RPS6KA1: variants seen among roughly 807,000 people sequenced by gnomAD.
RPS6KA1 encodes ribosomal protein S6 kinase A1.
In RPS6KA1, 48 loss-of-function variants were observed where a neutral mutation model predicts 91.3. That is an observed-to-expected ratio of 0.53 (90% CI 0.42 to 0.67). The LOEUF is 0.67. Ranked by LOEUF, RPS6KA1 falls within the 30% of genes least tolerant of loss-of-function variation. The pLI is 0.00. For synonymous variants in RPS6KA1, 359 were observed against 384.7 expected, an observed-to-expected ratio of 0.93 and a Z score of 0.78; for missense variants, 719 against 960.5, an observed-to-expected ratio of 0.75 and a Z score of 3.32.
Position 26,555,124 on chromosome 1 carries a change from G to A in RPS6KA1, c.757-27G>A. On this transcript the variant is annotated intron_variant, in intron 9 of 21. Transcript: ENST00000374168. This position sits in a 1 kb window ranked among gnomAD's most constrained non-coding sequence, Gnocchi z 4.3. Reference sequence around the variant, plus strand: ...AGGTGTGTCGGAGACAGGGATCAGAGCCTGAATAGATCCTTGTCCTCTGCA... The same window carrying A: ...AGGTGTGTCGGAGACAGGGATCAGAACCTGAATAGATCCTTGTCCTCTGCA... 6.2e-7 allele frequency: 1 copy of A among 1,610,112 alleles called. No homozygotes were observed. The highest frequency in any genetic ancestry group is 8.5e-7 in the Non-Finnish European group (1 of 1,176,418).
chr1:26,555,536 G>C lies in RPS6KA1; in HGVS notation c.828-1G>C. 6.3e-7 allele frequency: 1 copy of C among 1,585,984 alleles called. No individual in the cohort carries two copies. The highest frequency in any genetic ancestry group is 1.1e-5 in the South Asian group (1 of 87,374). On this transcript the variant is annotated splice_acceptor_variant, in intron 10 of 21. Coordinates refer to ENST00000374168, the MANE Select transcript of RPS6KA1 (RefSeq NM_002953.4). LOFTEE classifies it high-confidence loss of function. The surrounding 1 kb of genome is among the most constrained non-coding windows in gnomAD (Gnocchi z 4.3). ...TTGATGAGTCCCGGGGGCTGTTTCA[G>C]GGCGAAGCTAGGCATGCCCCAGTTT...
At chr1:26,536,384 G>GCTT (rs1477206276) in intron 1 of RPS6KA1, among the ~76,000 whole-genome samples, 2 of 152,160 alleles carry the variant, frequency 1.3e-5, no homozygotes, top group Non-Finnish European at 2.9e-5. Flanking sequence ...ATTCTGCCTG[G>GCTT]CAAGGTCAGG....
At chr1:26,545,995 T>G (rs1469785989) in intron 2 of RPS6KA1, 1 of 1,611,648 alleles carries the variant, frequency 6.2e-7, no homozygotes, top group Non-Finnish European at 8.5e-7. Context: ...CAGACCTCTC[T>G]GCCTGTCCCT....
intron 17 of RPS6KA1, among the ~76,000 whole-genome samples, chr1:26,564,229 TTTTTAAA>T (rs568481125): frequency 5.8e-4 from 89 of 152,302 alleles, no homozygotes; most frequent in African/African-American, 2.1e-3. Flanking sequence ...GCTGCCTACC[TTTTTAAA>T]TTTAATTTTA....
At chr1:26,570,962 A>G (rs1461616486) in intron 17 of RPS6KA1, among the ~76,000 whole-genome samples, 1 of 152,088 alleles carries the variant, frequency 6.6e-6, no homozygotes, top group African/African-American at 2.4e-5. Flanking sequence ...ATCTCTACTA[A>G]AAATACAAAA....
In RPS6KA1 at chr1:26,550,734, G is replaced by A. The variant is rs375025755; in HGVS notation, c.308-663G>A. On this transcript the variant is annotated intron_variant, in intron 4 of 21. Transcript: ENST00000374168. ...AAAGTGCTCCAAAGGAGAAGCACAAGCACTGTAGGAATCCAGAAGGCCCTA... is the reference window on the plus strand; with the variant it reads ...AAAGTGCTCCAAAGGAGAAGCACAAACACTGTAGGAATCCAGAAGGCCCTA... 1.2e-4 allele frequency among the ~76,000 whole-genome samples: 19 copies of A among 152,338 alleles called. No homozygotes were observed. In the East Asian group the frequency reaches 3.1e-3, roughly 25 times the overall value.
chr1:26,571,493 C>G lies in RPS6KA1; in HGVS notation c.1635C>G (p.Asp545Glu). Residue 545 changes from aspartate (D) to glutamate (E), a missense_variant, in exon 18 of 22, where the codon GAC becomes GAG. Physicochemically the swap from Asp to Glu is conservative, Grantham distance 45. This residue lies in a region of RPS6KA1 where 249 missense variants were observed against 323.1 expected (regional missense o/e 0.77). Transcript: ENST00000374168. This position sits in a 1 kb window ranked among gnomAD's most constrained non-coding sequence, Gnocchi z 5.1. ...DLKPSNILYVDESGNPECLRI... is the reference protein window; with the variant it reads ...DLKPSNILYVEESGNPECLRI... ...AGCCCAGCAACATCCTGTATGTGGA[C>G]GAGTCCGGGAATCCCGAGTGCCTGC... The G allele has an allele frequency of 1.2e-6, 2 of 1,614,164 alleles. No homozygotes were observed. The highest frequency in any genetic ancestry group is 1.7e-6 in the Non-Finnish European group (2 of 1,180,026).
At chr1:26,566,914 C>G (rs1228365639) in intron 17 of RPS6KA1, among the ~76,000 whole-genome samples, 1 of 152,232 alleles carries the variant, frequency 6.6e-6, no homozygotes, top group African/African-American at 2.4e-5. Context: ...AATGCACATC[C>G]TCTCACGCTG....
At chr1:26,569,652 C>A (rs190533104) in intron 17 of RPS6KA1, among the ~76,000 whole-genome samples, 1 of 152,334 alleles carries the variant, frequency 6.6e-6, no homozygotes, top group African/African-American at 2.4e-5. Context: ...AACCAACTAA[C>A]CTGCAAAACT....
At chr1:26,542,650 G>T (rs750976920) in intron 2 of RPS6KA1, among the ~76,000 whole-genome samples, 7 of 152,222 alleles carry the variant, frequency 4.6e-5, no homozygotes, top group Non-Finnish European at 7.3e-5. Flanking sequence ...CTTCTTCGGG[G>T]CAGCTGAGCA....
chr1:26,573,143 A>AG, intron 20 of RPS6KA1, 81 bp from the exon 21 acceptor site: 1 of 1,440,062 alleles, frequency 6.9e-7, no homozygotes, highest in Admixed American at 1.8e-5. Flanking sequence ...AGCTAGCAGG[A>AG]GATGGTTGCC....
intron 13 of RPS6KA1, 32 bp downstream of exon 13, chr1:26,557,132 G>A: frequency 6.4e-7 from 1 of 1,574,156 alleles, no homozygotes; most frequent in Non-Finnish European, 8.7e-7. Context: ...TCTGTCTTGG[G>A]CTGGTACAGG....
At position 26,553,426 on chromosome 1, in the gene RPS6KA1, G is replaced by C; in HGVS notation, c.504G>C (p.Leu168=). Residue 168 remains leucine (L), a synonymous_variant, in exon 7 of 22, where the codon CTG becomes CTC. Coordinates refer to ENST00000374168, the MANE Select transcript of RPS6KA1 (RefSeq NM_002953.4). ...CGGAGGAGGATGTGAAGTTTTACCT[G>C]GCTGAGCTGGCTCTGGGCCTGGATC... The part of the protein sequence containing the change: ...MFTEEDVKFY[L]AELALGLDHL... 6.2e-7 allele frequency: 1 copy of C among 1,613,250 alleles called. No homozygotes were observed. Among genetic ancestry groups the C allele is most frequent in the Non-Finnish European group, 8.5e-7 (1 of 1,179,478 alleles).
At chr1:26,537,065 T>A (rs2075912244) in intron 2 of RPS6KA1, 96 bp downstream of exon 2, 3 of 1,334,364 alleles carry the variant, frequency 2.2e-6, no homozygotes, top group Non-Finnish European at 3.2e-6. Context: ...CTAGCCCCTT[T>A]GCCCAACTCA....
chr1:26,555,170 C>G lies in RPS6KA1; in HGVS notation c.776C>G (p.Ser259Cys). 1.2e-6 allele frequency: 2 copies of G among 1,614,124 alleles called. No homozygotes were observed. Among genetic ancestry groups the G allele is most frequent in the Non-Finnish European group, 1.7e-6 (2 of 1,179,992 alleles). The change falls in exon 10 of 22, where the codon TCC (serine) becomes TGC (cysteine). Residue 259 changes from serine (S) to cysteine (C), a missense_variant. This residue lies in a region of RPS6KA1 where 228 missense variants were observed against 247.6 expected (regional missense o/e 0.92). Coordinates refer to ENST00000374168, the MANE Select transcript of RPS6KA1 (RefSeq NM_002953.4). This position sits in a 1 kb window ranked among gnomAD's most constrained non-coding sequence, Gnocchi z 4.3. ...GVLMFEMLTG[S>C]LPFQGKDRKE... ...CTGCAGTTTGAGATGCTGACGGGCT[C>G]CCTGCCCTTCCAGGGGAAGGACCGG...
In RPS6KA1 at chr1:26,529,909, G is replaced by A. The variant is rs1315004432; in HGVS notation, c.-12G>A. ...GCCGCCGGAGGAGCGCGGGTGACCT[G>A]GCGGCGGCGAGATGCCGCTCGCCCA... On this transcript the variant is annotated 5_prime_UTR_variant, in exon 1 of 22. Coordinates refer to ENST00000374168, the MANE Select transcript of RPS6KA1 (RefSeq NM_002953.4). This position sits in a 1 kb window ranked among gnomAD's most constrained non-coding sequence, Gnocchi z 4.2. 4 of 1,424,778 alleles carry A rather than the reference G, an allele frequency of 2.8e-6. No individual in the cohort carries two copies. Among genetic ancestry groups the A allele is most frequent in the Non-Finnish European group, 3.7e-6 (4 of 1,088,428 alleles). The allele number at this position is 1,424,778 out of a possible 1,614,324, so 88.3% of individuals were successfully genotyped here.
At chr1:26,530,079 C>A in intron 1 of RPS6KA1, 96 bp downstream of exon 1, 1 of 855,756 alleles carries the variant, frequency 1.2e-6, no homozygotes, top group Non-Finnish European at 1.5e-6. Flanking sequence ...GTCCGGCGGG[C>A]GCCCGCGAGG....
In RPS6KA1 at chr1:26,556,905, C is replaced by T; in HGVS notation, c.982-93C>T. The T allele has an allele frequency of 2.5e-6, 3 of 1,201,316 alleles. No individual in the cohort carries two copies. In the East Asian group the frequency reaches 7.0e-5, roughly 28 times the overall value. 74.4% of individuals were successfully genotyped at this position (1,201,316 alleles called of 1,614,324 possible). A position where few individuals can be genotyped will look rare whatever the true frequency, so the allele number is the denominator to read the frequency against. On this transcript the variant is annotated intron_variant, in intron 12 of 21. Transcript: ENST00000374168. ...AATTCCGAGAGCTGGGCAATATGGC[C>T]TATGTTCCAAGCCCAGCACCTCCTC...
rs149680367 is a variant in RPS6KA1, at chr1:26,562,875, C to A, written c.1590+1212C>A. Among the ~76,000 whole-genome samples the A allele has an allele frequency of 1.6e-3, 209 of 126,760 alleles. 5 individuals carry two copies. The East Asian group carries it at 0.036, about 22-fold the overall frequency. 83.2% of individuals were successfully genotyped at this position (126,760 alleles called of 152,430 possible). A position where few individuals can be genotyped will look rare whatever the true frequency, so the allele number is the denominator to read the frequency against. Reference sequence around the variant, plus strand: ...TTTGGAGATAGAGTCTTGCTCCTGTCGCCCAGGCTGGAGTGCAGTGGCACG... The same window carrying A: ...TTTGGAGATAGAGTCTTGCTCCTGTAGCCCAGGCTGGAGTGCAGTGGCACG... On this transcript the variant is annotated intron_variant, in intron 17 of 21. Transcript: ENST00000374168.
Sources: gnomAD v4.1 joint callset for allele counts (sites outside exome capture counted in the v4.1 genomes callset) on GRCh38, gnomAD v4.1.1 for gene constraint, gnomAD v4.1.1 regional missense constraint, Gnocchi (gnomAD v3.1) non-coding constraint, MANE v1.5 for transcripts, NCBI Gene and HGNC (gene_info 2026-07-23, HGNC 2026-07-21) for gene names.